Variants in MYO16 observed in about 807,000 individuals in gnomAD.
The protein encoded by MYO16 is myosin XVI, also known as unconventional myosin-XVI.
MYO16 carries 94 observed loss-of-function variants against 205.3 expected under a neutral mutation model. The observed-to-expected ratio is 0.46, with a 90% CI of 0.39 to 0.54. The LOEUF is 0.54. MYO16 is among the 20% of genes least tolerant of loss of function. The probability of loss-of-function intolerance (pLI) is 0.00; values close to 1 mark genes in which losing one functional copy is unlikely to be tolerated. For missense variants in MYO16, 2,315 were observed against 2,387.5 expected, an observed-to-expected ratio of 0.97 and a Z score of 0.63; for synonymous variants, 988 against 954.0, an observed-to-expected ratio of 1.04 and a Z score of -0.66.
At chr13:108,768,207 C>T (rs9521021) in intron 4 of MYO16, among the ~76,000 whole-genome samples, 74,562 of 152,018 alleles carry the variant, frequency 0.49, 19,799 homozygotes, top group East Asian at 0.63. Flanking sequence ...CCGCCCCTGG[C>T]TCCAGCACTC....
intron 27 of MYO16, among the ~76,000 whole-genome samples, chr13:109,099,445 A>T (rs1209871653): frequency 6.6e-6 from 1 of 152,182 alleles, no homozygotes; most frequent in African/African-American, 2.4e-5. Context: ...CCACAATTAC[A>T]TTTACACTGA....
At position 108,798,703 on chromosome 13, in the gene MYO16, T is replaced by TTA. The variant is rs1555299834; in HGVS notation, c.741+5064_741+5065insAT. 2.4e-3 allele frequency among the ~76,000 whole-genome samples: 281 copies of TTA among 114,980 alleles called. 4 individuals are homozygous for TTA. The highest frequency in any genetic ancestry group is 8.8e-3 in the African/African-American group (269 of 30,436). 75.4% of individuals were successfully genotyped at this position (114,980 alleles called of 152,430 possible). ...CCCGAGGCTTATTTTTTTTTTTTTT[T>TTA]TTTTTTTTTTTTTGAGATGGAGTCT... On this transcript the variant is annotated intron_variant, in intron 6 of 34. Transcript: ENST00000457511.
intron 4 of MYO16, among the ~76,000 whole-genome samples, chr13:108,782,422 G>T (rs1886331157): frequency 6.6e-6 from 1 of 152,192 alleles, no homozygotes; most frequent in African/African-American, 2.4e-5. Context: ...GGTGACTTGG[G>T]TGTTGTTAAA....
intron 3 of MYO16, among the ~76,000 whole-genome samples, chr13:108,716,516 C>G (rs901528375): frequency 6.6e-6 from 1 of 152,070 alleles, no homozygotes; most frequent in African/African-American, 2.4e-5. Context: ...CCTGGGGTTA[C>G]CAAATAAATA....
intron 5 of MYO16, among the ~76,000 whole-genome samples, chr13:108,793,285 C>CAAAAAA (rs756851025): frequency 1.0e-5 from 1 of 98,882 alleles, no homozygotes; most frequent in African/African-American, 3.6e-5. Flanking sequence ...GACTCTGTCT[C>CAAAAAA]AAAAAAAAAA....
At chr13:108,541,023 G>A in the MYO16 span, among the ~76,000 whole-genome samples, 8 of 152,188 alleles carry the variant, frequency 5.3e-5, no homozygotes, top group Non-Finnish European at 8.8e-5. Context: ...ATATTGGGAC[G>A]GAATGAACGT....
chr13:108,774,274 G>A (rs1886059769), intron 4 of MYO16, among the ~76,000 whole-genome samples: 1 of 152,228 alleles, frequency 6.6e-6, no homozygotes, highest in Non-Finnish European at 1.5e-5. Flanking sequence ...TATGGCATGT[G>A]GTAAATTAAA....
chr13:108,995,443 T>G (rs1221139898), intron 21 of MYO16, among the ~76,000 whole-genome samples: 1 of 152,216 alleles, frequency 6.6e-6, no homozygotes, highest in Non-Finnish European at 1.5e-5. Flanking sequence ...AGTATTTCTT[T>G]TTTTTATTAT....
intron 1 of MYO16, among the ~76,000 whole-genome samples, chr13:108,622,568 T>G (rs545901294): frequency 3.6e-4 from 54 of 150,954 alleles, no homozygotes; most frequent in Middle Eastern, 3.4e-3. Context: ...CTCTGAGAAG[T>G]CCTTCCAGTT....
the MYO16 span, among the ~76,000 whole-genome samples, chr13:108,567,701 A>T: frequency 6.6e-6 from 1 of 151,990 alleles, no homozygotes; most frequent in Non-Finnish European, 1.5e-5. Flanking sequence ...CTTTATTGAG[A>T]TACAGTTCAC....
At chr13:108,671,404 CT>C (rs1312388592) in intron 2 of MYO16, among the ~76,000 whole-genome samples, 1 of 152,132 alleles carries the variant, frequency 6.6e-6, no homozygotes, top group Non-Finnish European at 1.5e-5. Flanking sequence ...ACAAAAATTT[CT>C]GAAGATATCG....
In MYO16 at chr13:108,737,155, A is replaced by C. The variant is rs150474332; in HGVS notation, c.507+9572A>C. Among the ~76,000 whole-genome samples, 829 of 152,168 alleles carry C rather than the reference A, an allele frequency of 5.4e-3. 32 individuals carry two copies. In the East Asian group the frequency reaches 0.11, roughly 20 times the overall value. On this transcript the variant is annotated intron_variant, in intron 4 of 34. Coordinates refer to ENST00000457511, the MANE Select transcript of MYO16 (RefSeq NM_001198950.3). The stretch of plus-strand genomic sequence containing the variant: ...TCTTTCTCCTGCCTGATTGCCCTGG[A>C]CAGAACTTCCAACACTATGTTGAAT...
intron 16 of MYO16, among the ~76,000 whole-genome samples, chr13:108,933,564 G>C (rs1341212526): frequency 1.3e-5 from 2 of 151,768 alleles, no homozygotes; most frequent in African/African-American, 4.8e-5. Flanking sequence ...ATAACCCCAG[G>C]AAATAGATCT....
At chr13:108,777,336 C>G (rs1380216498) in intron 4 of MYO16, among the ~76,000 whole-genome samples, 1 of 152,062 alleles carries the variant, frequency 6.6e-6, no homozygotes, top group Non-Finnish European at 1.5e-5. Context: ...TTAATATTAT[C>G]TAATAAAGGT....
chr13:108,727,295 G>A (rs984281834), intron 3 of MYO16, 145 bp from the exon 4 acceptor site: 1 of 734,210 alleles, frequency 1.4e-6, no homozygotes, highest in Admixed American at 3.2e-5. Flanking sequence ...TTGGTTAGTT[G>A]GGGAAATACA....
At chr13:108,874,347 C>T (rs530913516) in intron 12 of MYO16, among the ~76,000 whole-genome samples, 7 of 152,108 alleles carry the variant, frequency 4.6e-5, no homozygotes, top group Admixed American at 2.6e-4. Flanking sequence ...TAGAGAAATA[C>T]GCCATGCAAT....
chr13:109,043,136 A>G (rs1395855638), intron 23 of MYO16, among the ~76,000 whole-genome samples: 1 of 152,236 alleles, frequency 6.6e-6, no homozygotes, highest in Non-Finnish European at 1.5e-5. Flanking sequence ...TGACAGCACA[A>G]TGTTATGCTG....
chr13:108,563,657 C>T, the MYO16 span, among the ~76,000 whole-genome samples: 2 of 152,160 alleles, frequency 1.3e-5, no homozygotes, highest in African/African-American at 4.8e-5. Flanking sequence ...CATGTTGTTG[C>T]AAATGACAGG....
chr13:108,568,270 C>A, the MYO16 span, among the ~76,000 whole-genome samples: 4 of 152,232 alleles, frequency 2.6e-5, no homozygotes, highest in Non-Finnish European at 5.9e-5. Flanking sequence ...TTTTGAGAAG[C>A]TATCAAACTT....
Sources: gnomAD v4.1 joint callset for allele counts (sites outside exome capture counted in the v4.1 genomes callset) on GRCh38, gnomAD v4.1.1 for gene constraint, MANE v1.5 for transcripts, NCBI Gene and HGNC (gene_info 2026-07-23, HGNC 2026-07-21) for gene names.